The following NUP42 variants were observed in gnomAD, a reference collection of about 807,000 sequenced individuals.
NUP42 encodes the protein nucleoporin 42.
NUP42 carries 47 observed loss-of-function variants against 35.9 expected under a neutral mutation model. That is an observed-to-expected ratio of 1.31 (90% CI 1.04 to 1.67). NUP42 has a LOEUF of 1.67. NUP42 is among the 40% of genes most tolerant of loss of function. NUP42 has a pLI of 0.00. For synonymous variants in NUP42, 173 were observed against 173.3 expected, an observed-to-expected ratio of 1.00 and a Z score of 0.01; for missense variants, 514 against 492.2, an observed-to-expected ratio of 1.04 and a Z score of -0.42.
At chr7:23,184,108 G>T (rs1198230936) in intron 1 of NUP42, among the ~76,000 whole-genome samples, 1 of 152,080 alleles carries the variant, frequency 6.6e-6, no homozygotes. Flanking sequence ...TATAAAGAGA[G>T]GAGAGAATCT....
chr7:23,197,285 G>T (rs1429188480), intron 5 of NUP42: 1 of 971,294 alleles, frequency 1.0e-6, no homozygotes, highest in Admixed American at 2.9e-5. Context: ...CCATTAAAAA[G>T]TTCTTAAGAA....
Position 23,182,070 on chromosome 7 carries a change from C to G in NUP42, c.-16C>G. 1 of 1,613,296 alleles carries G rather than the reference C, an allele frequency of 6.2e-7. No individual in the cohort carries two copies. Among genetic ancestry groups the G allele is most frequent in the Non-Finnish European group, 8.5e-7 (1 of 1,179,984 alleles). On this transcript the variant is annotated 5_prime_UTR_variant, in exon 1 of 7. Coordinates refer to ENST00000258742, the MANE Select transcript of NUP42 (RefSeq NM_007342.3). ...GGTGCAGACTGAAGACGCCCTCCGTCAGCGACGCCGTCGCAATGGCCATTT... is the reference window on the plus strand; with the variant it reads ...GGTGCAGACTGAAGACGCCCTCCGTGAGCGACGCCGTCGCAATGGCCATTT...
intron 3 of NUP42, chr7:23,188,573 T>TC (rs1273053896): frequency 7.2e-6 from 7 of 973,502 alleles, no homozygotes; most frequent in Non-Finnish European, 8.5e-6. Flanking sequence ...ATATGGGACA[T>TC]CCGGTTAAAT....
At chr7:23,193,018 C>T (rs768218853) in intron 3 of NUP42, among the ~76,000 whole-genome samples, 4 of 151,852 alleles carry the variant, frequency 2.6e-5, no homozygotes, top group South Asian at 2.1e-4. Context: ...TCCGTGGTCT[C>T]GCTGGCTCAG....
intron 3 of NUP42, chr7:23,188,132 C>G (rs1562605185): frequency 2.1e-5 from 28 of 1,331,294 alleles, no homozygotes; most frequent in Non-Finnish European, 2.2e-5. Flanking sequence ...ACAGTGGGTA[C>G]CTTGCAAATG....
chr7:23,182,145 C>T lies in NUP42; in HGVS notation c.60C>T (p.Asn20=), dbSNP rs756811724. 5 of 1,614,082 alleles carry T rather than the reference C, an allele frequency of 3.1e-6. No homozygotes were observed. Among genetic ancestry groups the T allele is most frequent in the Non-Finnish European group, 3.4e-6 (4 of 1,180,026 alleles). ...GRCRFGDRCW[N]EHPGARGAGG... ...GCCGCTTTGGAGATCGGTGCTGGAA[C>T]GAACATCCCGGTGCTAGGGGTGCAG... Residue 20 remains asparagine (N), a synonymous_variant, in exon 1 of 7, where the codon AAC becomes AAT. Transcript: ENST00000258742.
At chr7:23,197,170 C>T (rs553080262) in intron 5 of NUP42, 3 of 1,290,342 alleles carry the variant, frequency 2.3e-6, no homozygotes, top group African/African-American at 3.1e-5. Flanking sequence ...TTGTCTTAAA[C>T]AGAAATGCCT....
Position 23,188,374 on chromosome 7 carries a change from G to A in NUP42, c.445+1228G>A, listed in dbSNP as rs1785677031. Reference sequence around the variant, plus strand: ...CATTCTTGAGGGAGGAAAACAATAAGTGATGCAAATAAACTAAGATAATTT... The same window carrying A: ...CATTCTTGAGGGAGGAAAACAATAAATGATGCAAATAAACTAAGATAATTT... On this transcript the variant is annotated intron_variant, in intron 3 of 6. Transcript: ENST00000258742. 3.1e-6 allele frequency: 3 copies of A among 980,852 alleles called. No individual in the cohort carries two copies. In the Admixed American group the frequency reaches 1.8e-4, roughly 60 times the overall value. The allele number at this position is 980,852 out of a possible 1,614,324, so 60.8% of individuals were successfully genotyped here. A position where few individuals can be genotyped will look rare whatever the true frequency, so the allele number is the denominator to read the frequency against.
intron 3 of NUP42, chr7:23,188,247 T>C: frequency 1.6e-6 from 2 of 1,245,636 alleles, no homozygotes; most frequent in Non-Finnish European, 2.0e-6. Flanking sequence ...TCTTATTTAT[T>C]CACTTGTCCA....
intron 3 of NUP42, among the ~76,000 whole-genome samples, chr7:23,191,725 C>G (rs148019154): frequency 6.6e-6 from 1 of 152,158 alleles, no homozygotes; most frequent in Non-Finnish European, 1.5e-5. Context: ...GTGGCTCATG[C>G]TTGTAATCCT....
chr7:23,182,275 C>T (rs903785057), intron 1 of NUP42, 69 bp downstream of exon 1: 2 of 1,534,668 alleles, frequency 1.3e-6, no homozygotes, highest in Non-Finnish European at 8.8e-7. Context: ...CCGGGCGTCC[C>T]GCGTGTTTCC....
chr7:23,196,811 C>A, intron 5 of NUP42, 45 bp downstream of exon 5: 1 of 1,324,384 alleles, frequency 7.6e-7, no homozygotes, highest in Non-Finnish European at 1.1e-6. Context: ...TTACCTATTG[C>A]TTTTTTGCAG....
Position 23,185,144 on chromosome 7 carries a change from T to A in NUP42, c.196T>A (p.Ser66Thr). The change falls in exon 2 of 7, where the codon TCC (serine) becomes ACC (threonine). Residue 66 changes from serine to threonine, a missense_variant. Transcript: ENST00000258742. Reference protein sequence around the residue: ...NVIQPSSFSKSTPWGGSRDQE... With the variant: ...NVIQPSSFSKTTPWGGSRDQE... ...CATCCAGCCATCCAGTTTCTCCAAA[T>A]CCACACCATGGGGGGGCAGCAGAGA... is the stretch of plus-strand genomic sequence containing the variant. The A allele has an allele frequency of 6.2e-7, 1 of 1,614,168 alleles. No individual in the cohort carries two copies. The highest frequency in any genetic ancestry group is 8.5e-7 in the Non-Finnish European group (1 of 1,180,028).
chr7:23,196,087 GATAAT>G (rs1786002754), intron 4 of NUP42, 172 bp downstream of exon 4: 2 of 354,524 alleles, frequency 5.6e-6, no homozygotes, highest in Admixed American at 4.6e-5. Flanking sequence ...TTATTAAAAT[GATAAT>G]ATATTTTTAC....
chr7:23,192,445 G>T lies in NUP42; in HGVS notation c.446-3394G>T, dbSNP rs1054302129. Among the ~76,000 whole-genome samples, 31 of 151,454 alleles carry T rather than the reference G, an allele frequency of 2.0e-4. 1 individual carries two copies. Among genetic ancestry groups the T allele is most frequent in the Non-Finnish European group, 4.4e-5 (3 of 67,930 alleles). On this transcript the variant is annotated intron_variant, in intron 3 of 6. Coordinates refer to ENST00000258742, the MANE Select transcript of NUP42 (RefSeq NM_007342.3). ...GCCTGTAATCCCAACTACTGTGGAGGCTGAGGCAGGAGAATTGCCTGAACC... is the reference window on the plus strand; with the variant it reads ...GCCTGTAATCCCAACTACTGTGGAGTCTGAGGCAGGAGAATTGCCTGAACC...
intron 4 of NUP42, chr7:23,196,122 A>G (rs1786004321): frequency 2.4e-5 from 7 of 292,128 alleles, no homozygotes; most frequent in Non-Finnish European, 4.3e-5. Context: ...TAGGAATATT[A>G]CTATTTTTAT....
rs201885281 is a variant in NUP42 at position 23,197,191 on chromosome 7, T to A, written c.609+425T>A. 3,264 of 1,300,234 alleles carry A rather than the reference T, an allele frequency of 2.5e-3. 10 individuals are homozygous for A. The highest frequency in any genetic ancestry group is 3.0e-3 in the Non-Finnish European group (2,987 of 985,574). 80.5% of individuals were successfully genotyped at this position (1,300,234 alleles called of 1,614,324 possible). On this transcript the variant is annotated intron_variant, in intron 5 of 6. Transcript: ENST00000258742. ...TAAACAGAAATGCCTTTGGAAGATA[T>A]ATACCCACCTGTCTCCAAAGATCTA...
In NUP42 at chr7:23,187,035, T is replaced by C. The variant is rs777164353; in HGVS notation, c.351-17T>C. ...TAAGAAGATCCTTTACTCTTTTTTTTTTTTTCTTTTTTGCAGGGAAGGAAT... is the reference window on the plus strand; with the variant it reads ...TAAGAAGATCCTTTACTCTTTTTTTCTTTTTCTTTTTTGCAGGGAAGGAAT... On this transcript the variant is annotated splice_polypyrimidine_tract_variant and intron_variant, in intron 2 of 6. Transcript: ENST00000258742. 10 of 1,526,512 alleles carry C rather than the reference T, an allele frequency of 6.6e-6. No homozygotes were observed. In the East Asian group the frequency reaches 1.8e-4, roughly 28 times the overall value. 94.6% of individuals were successfully genotyped at this position (1,526,512 alleles called of 1,614,324 possible). A position where few individuals can be genotyped will look rare whatever the true frequency, so the allele number is the denominator to read the frequency against.
chr7:23,188,170 CCTTGGGAT>C (rs111734555), intron 3 of NUP42: 65,422 of 1,295,736 alleles, frequency 0.05, 2,521 homozygotes, highest in African/African-American at 0.18. Flanking sequence ...TATCGCAGAA[CCTTGGGAT>C]CTTTCCTCTG....
Sources: gnomAD v4.1 joint callset for allele counts (sites outside exome capture counted in the v4.1 genomes callset) on GRCh38, gnomAD v4.1.1 for gene constraint, MANE v1.5 for transcripts, NCBI Gene and HGNC (gene_info 2026-07-23, HGNC 2026-07-21) for gene names.